PDE1C: variants seen among roughly 807,000 people sequenced by gnomAD.
The protein encoded by PDE1C is dual specificity calcium/calmodulin-dependent 3',5'-cyclic nucleotide phosphodiesterase 1C.
Under a neutral mutation model 93.1 loss-of-function variants are expected in PDE1C, and 62 were observed. The ratio of observed to expected loss-of-function variants is 0.67; its 90% CI spans 0.54 to 0.82. The LOEUF is 0.82. Ranked by LOEUF, PDE1C falls within the 40% of genes least tolerant of loss-of-function variation. The pLI is 0.00. For missense variants in PDE1C, 742 were observed against 884.6 expected (o/e 0.84, Z 2.04); for synonymous variants, 325 against 310.1 (o/e 1.05, Z -0.50).
chr7:31,918,778 T>A (rs1440377489), intron 2 of PDE1C, among the ~76,000 whole-genome samples: 1 of 152,206 alleles, frequency 6.6e-6, no homozygotes, highest in African/African-American at 2.4e-5. Flanking sequence ...TGCTGTCACA[T>A]AAAACGGTTT....
chr7:32,216,674 A>G (rs1018019237), intron 1 of PDE1C, among the ~76,000 whole-genome samples: 11 of 152,244 alleles, frequency 7.2e-5, no homozygotes, highest in African/African-American at 2.2e-4. Context: ...ACATCCAGTC[A>G]TGGTCCCTGC....
intron 2 of PDE1C, among the ~76,000 whole-genome samples, chr7:31,905,749 C>T (rs1224622462): frequency 6.6e-6 from 1 of 152,118 alleles, no homozygotes. Context: ...TGTGTCCCTA[C>T]CCAAATCTTA....
intron 1 of PDE1C, among the ~76,000 whole-genome samples, chr7:32,388,187 G>A (rs1784677824): frequency 6.6e-6 from 1 of 152,054 alleles, no homozygotes; most frequent in Non-Finnish European, 1.5e-5. Context: ...AAAAAAGATT[G>A]GTACAGAACA....
At chr7:31,679,623 A>G in the PDE1C span, among the ~76,000 whole-genome samples, 1 of 152,230 alleles carries the variant, frequency 6.6e-6, no homozygotes, top group Non-Finnish European at 1.5e-5. Context: ...CAGAAGCTTT[A>G]AACTACATTG....
chr7:32,367,864 G>A (rs1396073344), intron 1 of PDE1C, among the ~76,000 whole-genome samples: 6 of 151,904 alleles, frequency 3.9e-5, no homozygotes, highest in Non-Finnish European at 7.4e-5. Context: ...GATTGCTTGA[G>A]CCCAGGAGGT....
chr7:31,873,145 C>T, intron 6 of PDE1C, 147 bp downstream of exon 6: 1 of 585,184 alleles, frequency 1.7e-6, no homozygotes, highest in African/African-American at 1.9e-5. Flanking sequence ...CAGAGGAATT[C>T]ACAGCAGTGG....
the PDE1C span, among the ~76,000 whole-genome samples, chr7:31,666,630 A>G: frequency 6.6e-6 from 1 of 152,346 alleles, no homozygotes; most frequent in East Asian, 1.9e-4. Flanking sequence ...TATAAGTCAC[A>G]TACAGTAAAT....
chr7:31,747,640 T>C (rs544991516), downstream of PDE1C, among the ~76,000 whole-genome samples: 7 of 152,248 alleles, frequency 4.6e-5, no homozygotes, highest in Admixed American at 1.3e-4. Context: ...ATCACTTACA[T>C]CAGTCTCCCT....
chr7:31,652,617 A>C, the PDE1C span: 2 of 1,613,622 alleles, frequency 1.2e-6, no homozygotes, highest in South Asian at 1.1e-5. Flanking sequence ...ATGTTCTAAA[A>C]TCCACCCAGG....
At chr7:32,072,718 C>T (rs1292563246), upstream of PDE1C, among the ~76,000 whole-genome samples, 2 of 152,176 alleles carry the variant, frequency 1.3e-5, no homozygotes, top group Non-Finnish European at 2.9e-5. Flanking sequence ...GAGGTAGATA[C>T]TATTATTATC....
intron 2 of PDE1C, among the ~76,000 whole-genome samples, chr7:31,965,176 T>C (rs541869756): frequency 6.6e-6 from 1 of 151,542 alleles, no homozygotes; most frequent in East Asian, 1.9e-4. Flanking sequence ...AAGGAGGAAG[T>C]TCGAACCAAT....
At chr7:31,636,852 A>G in the PDE1C span, among the ~76,000 whole-genome samples, 1 of 149,336 alleles carries the variant, frequency 6.7e-6, no homozygotes, top group South Asian at 2.2e-4. Flanking sequence ...AGCATTAGAT[A>G]TATCTCCTAA....
chr7:31,987,857 A>G (rs1783619185), intron 2 of PDE1C, among the ~76,000 whole-genome samples: 1 of 152,170 alleles, frequency 6.6e-6, no homozygotes, highest in African/African-American at 2.4e-5. Context: ...GAATTGGTAG[A>G]AAGTGCTATG....
At chr7:31,997,182 G>A (rs747283600) in intron 2 of PDE1C, among the ~76,000 whole-genome samples, 1 of 152,160 alleles carries the variant, frequency 6.6e-6, no homozygotes, top group Non-Finnish European at 1.5e-5. Flanking sequence ...AGACAGGACT[G>A]GGTTCAGATT....
At chr7:32,225,955 G>A (rs1035691924) in intron 1 of PDE1C, among the ~76,000 whole-genome samples, 1 of 152,182 alleles carries the variant, frequency 6.6e-6, no homozygotes, top group South Asian at 2.1e-4. Flanking sequence ...CTACTCGGGA[G>A]GCTGAGGCAG....
rs181034241 is a variant in PDE1C, at chr7:31,871,014, G to T, written c.609+2278C>A. Among the ~76,000 whole-genome samples the T allele has an allele frequency of 1.6e-3, 238 of 150,704 alleles. 1 individual carries two copies. The highest frequency in any genetic ancestry group is 5.6e-3 in the African/African-American group (232 of 41,140). ...TTAGTATAAAAAATAGTATTTTCTGGTATTAGTATAAAAACAGACACACAG... is the reference window on the plus strand; with the variant it reads ...TTAGTATAAAAAATAGTATTTTCTGTTATTAGTATAAAAACAGACACACAG... On this transcript the variant is annotated intron_variant, in intron 6 of 17. Transcript: ENST00000396191.
At chr7:32,302,378 G>A (rs985211480), upstream of PDE1C, among the ~76,000 whole-genome samples, 9 of 152,206 alleles carry the variant, frequency 5.9e-5, no homozygotes, top group African/African-American at 1.9e-4. Context: ...CAATAGCTAA[G>A]ACTAATTAGG....
At chr7:32,188,271 T>C (rs1804012772) in intron 2 of PDE1C, among the ~76,000 whole-genome samples, 1 of 152,100 alleles carries the variant, frequency 6.6e-6, no homozygotes, top group South Asian at 2.1e-4. Flanking sequence ...GCCCTTTTAA[T>C]CTGCAAACCC....
Position 31,879,113 on chromosome 7 carries a change from C to T in PDE1C, c.308G>A (p.Arg103Gln), listed in dbSNP as rs200513154. ...IQSDAVPSEVRDWLASTFTRQ... is the reference protein window; with the variant it reads ...IQSDAVPSEVQDWLASTFTRQ... ...CGTGAAGGTGGAGGCCAGCCAGTCT[C>T]GGACCTCAGAAGGCACAGCATCTGA... The change falls in exon 4 of 18, where the codon CGA becomes CAA. Residue 103 changes from arginine to glutamine, a missense_variant. Coordinates refer to ENST00000396191, the MANE Select transcript of PDE1C (RefSeq NM_001191057.4). The T allele has an allele frequency of 6.2e-7, 1 of 1,614,138 alleles. No homozygotes were observed. The highest frequency in any genetic ancestry group is 1.7e-5 in the Admixed American group (1 of 60,030).
Sources: gnomAD v4.1 joint callset for allele counts (sites outside exome capture counted in the v4.1 genomes callset) on GRCh38, gnomAD v4.1.1 for gene constraint, MANE v1.5 for transcripts, NCBI Gene and HGNC (gene_info 2026-07-23, HGNC 2026-07-21) for gene names.